Variants in PLCB1 observed in about 807,000 individuals in gnomAD.
PLCB1 encodes the protein phospholipase C beta 1, also known as 1-phosphatidylinositol 4,5-bisphosphate phosphodiesterase beta-1.
PLCB1 carries 46 observed loss-of-function variants against 161.8 expected under a neutral mutation model. The ratio of observed to expected loss-of-function variants is 0.28; its 90% CI spans 0.22 to 0.36. PLCB1 has a LOEUF of 0.36. Ranked by LOEUF, PLCB1 falls within the 10% of genes least tolerant of loss-of-function variation. The pLI, the probability that PLCB1 is intolerant of heterozygous loss-of-function variation, is 1.00. For missense variants in PLCB1, 1,016 were observed against 1,472.5 expected (o/e 0.69, Z 5.07); for synonymous variants, 517 against 503.7 (o/e 1.03, Z -0.35).
intron 2 of PLCB1, among the ~76,000 whole-genome samples, chr20:8,173,875 A>G (rs1037900490): frequency 6.6e-6 from 1 of 152,234 alleles, no homozygotes; most frequent in Non-Finnish European, 1.5e-5. Context: ...GGTGGGTTCA[A>G]TAGTAGAGTG....
intron 23 of PLCB1, among the ~76,000 whole-genome samples, chr20:8,748,277 T>C (rs1259820090): frequency 6.6e-6 from 1 of 152,186 alleles, no homozygotes; most frequent in Non-Finnish European, 1.5e-5. Flanking sequence ...GGGTCCTAAC[T>C]AGGAAAACCA....
chr20:8,338,729 A>G (rs943913969), intron 2 of PLCB1, among the ~76,000 whole-genome samples: 3 of 152,226 alleles, frequency 2.0e-5, no homozygotes, highest in East Asian at 1.9e-4. Flanking sequence ...CTGTGTAAAC[A>G]CAGCGTAGAT....
intron 2 of PLCB1, chr20:8,249,398 C>T (rs1293037381): frequency 6.6e-6 from 1 of 151,912 alleles, no homozygotes; most frequent in Non-Finnish European, 1.5e-5. Flanking sequence ...GTTAATAAAA[C>T]ACTTCATCGG....
intron 1 of PLCB1, among the ~76,000 whole-genome samples, chr20:8,147,880 T>G (rs1054521142): frequency 6.7e-6 from 1 of 150,312 alleles, no homozygotes; most frequent in Admixed American, 6.6e-5. Context: ...AAGTTTTTTT[T>G]TTTTTTTTTT....
chr20:8,514,089 AT>A (rs1367230590), intron 3 of PLCB1, among the ~76,000 whole-genome samples: 24 of 149,246 alleles, frequency 1.6e-4, no homozygotes, highest in African/African-American at 5.8e-4. Flanking sequence ...AAAAGATGTA[AT>A]TACACACTTA....
intron 31 of PLCB1, among the ~76,000 whole-genome samples, chr20:8,852,064 C>T (rs1986907856): frequency 6.6e-6 from 1 of 152,214 alleles, no homozygotes; most frequent in Non-Finnish European, 1.5e-5. Context: ...GAACTATAGA[C>T]TGTATGACTG....
At chr20:8,768,135 C>T (rs1395147902) in intron 26 of PLCB1, among the ~76,000 whole-genome samples, 2 of 152,062 alleles carry the variant, frequency 1.3e-5, no homozygotes, top group African/African-American at 4.8e-5. Context: ...TGCCACTGCA[C>T]TCCAGCCTGG....
intron 3 of PLCB1, among the ~76,000 whole-genome samples, chr20:8,615,823 C>T (rs1250529384): frequency 2.0e-5 from 3 of 152,070 alleles, no homozygotes; most frequent in Non-Finnish European, 2.9e-5. Context: ...TATACCATAC[C>T]CTGGTACATA....
At chr20:8,724,568 C>T (rs1014001679) in intron 15 of PLCB1, 88 bp from the exon 16 acceptor site, 2 of 811,928 alleles carry the variant, frequency 2.5e-6, no homozygotes, top group Non-Finnish European at 2.1e-6. Flanking sequence ...TTTCTGCATG[C>T]TTGAATCATG....
At chr20:8,642,438 C>A (rs1988984975) in intron 4 of PLCB1, among the ~76,000 whole-genome samples, 1 of 152,178 alleles carries the variant, frequency 6.6e-6, no homozygotes, top group Admixed American at 6.5e-5. Flanking sequence ...CCAGTAGTGA[C>A]AGAAATGTGT....
intron 3 of PLCB1, among the ~76,000 whole-genome samples, chr20:8,600,157 T>C (rs1326706047): frequency 3.7e-5 from 5 of 136,422 alleles, no homozygotes; most frequent in Non-Finnish European, 7.8e-5. Flanking sequence ...CTGCGTTCCT[T>C]TGGAGGAGGA....
chr20:8,199,939 G>T (rs2052074443), intron 2 of PLCB1, among the ~76,000 whole-genome samples: 2 of 152,078 alleles, frequency 1.3e-5, no homozygotes, highest in South Asian at 4.1e-4. Context: ...GGCACAGAGA[G>T]GTTGAATATA....
At chr20:8,499,271 T>G (rs1381388816) in intron 3 of PLCB1, among the ~76,000 whole-genome samples, 1 of 152,210 alleles carries the variant, frequency 6.6e-6, no homozygotes, top group Admixed American at 6.5e-5. Flanking sequence ...ATACAAGTAT[T>G]GCTTTTTTCT....
intron 9 of PLCB1, among the ~76,000 whole-genome samples, chr20:8,662,360 A>ATTATATAATTATGTATAATATATAATTG (rs1568551497): frequency 1.1e-4 from 12 of 110,832 alleles, no homozygotes; most frequent in Non-Finnish European, 5.1e-5. Context: ...ATATGTAATT[A>ATTATATAATTATGTATAATATATAATTG]TTTATTATAT....
chr20:8,764,855 C>T (rs1300306290), intron 25 of PLCB1, among the ~76,000 whole-genome samples: 8 of 152,178 alleles, frequency 5.3e-5, no homozygotes, highest in Non-Finnish European at 1.0e-4. Context: ...CAGTAAATCA[C>T]GTGCACCTGA....
At position 8,754,704 on chromosome 20, in the gene PLCB1, TA is replaced by T. The variant is rs1981653050; in HGVS notation, c.2524-2340del. Among the ~76,000 whole-genome samples, 3 of 152,306 alleles carry T rather than the reference TA, an allele frequency of 2.0e-5. No homozygotes were observed. In the South Asian group the frequency reaches 6.2e-4, roughly 32 times the overall value. On this transcript the variant is annotated intron_variant, in intron 23 of 31. Coordinates refer to ENST00000338037, the MANE Select transcript of PLCB1 (RefSeq NM_015192.4). ...AGCAAAGCGTTACCCCTGCTGTATT[TA>T]AGCCAAAGAACCACCCACTGTGGGT...
At chr20:8,338,781 C>T (rs2081084169) in intron 2 of PLCB1, among the ~76,000 whole-genome samples, 1 of 152,090 alleles carries the variant, frequency 6.6e-6, no homozygotes, top group African/African-American at 2.4e-5. Context: ...TCTCTTGTGC[C>T]CTCTTCCAGT....
At chr20:8,236,604 A>G (rs1317368294) in intron 2 of PLCB1, among the ~76,000 whole-genome samples, 1 of 152,076 alleles carries the variant, frequency 6.6e-6, no homozygotes, top group African/African-American at 2.4e-5. Context: ...TTATTCAATG[A>G]GAGGCAGAAA....
At chr20:8,318,505 C>A (rs949236465) in intron 2 of PLCB1, among the ~76,000 whole-genome samples, 49 of 149,418 alleles carry the variant, frequency 3.3e-4, no homozygotes, top group African/African-American at 1.2e-3. Context: ...ACAAATAAAA[C>A]AGAAATTAGG....
Sources: gnomAD v4.1 joint callset for allele counts (sites outside exome capture counted in the v4.1 genomes callset) on GRCh38, gnomAD v4.1.1 for gene constraint, MANE v1.5 for transcripts, NCBI Gene and HGNC (gene_info 2026-07-23, HGNC 2026-07-21) for gene names.